The following FBXL13 variants were observed in gnomAD, a reference collection of about 807,000 sequenced individuals.
FBXL13 encodes F-box and leucine rich repeat protein 13, also known as F-box and leucine-rich repeat protein 13.
Under a neutral mutation model 83.6 loss-of-function variants are expected in FBXL13, and 67 were observed. The ratio of observed to expected loss-of-function variants is 0.80; its 90% CI spans 0.66 to 0.98. The LOEUF is 0.98. FBXL13 is among the 50% of genes least tolerant of loss of function. The pLI is 0.00. For missense variants in FBXL13, 822 were observed against 866.5 expected (o/e 0.95, Z 0.64); for synonymous variants, 272 against 299.5 (o/e 0.91, Z 0.95).
chr7:103,011,591 T>C (rs977785777), intron 6 of FBXL13, among the ~76,000 whole-genome samples: 3 of 143,694 alleles, frequency 2.1e-5, no homozygotes, highest in African/African-American at 5.2e-5. Flanking sequence ...TAAGGGAAGA[T>C]AGCACCACTA....
At chr7:102,914,135 A>C (rs113389829) in intron 10 of FBXL13, among the ~76,000 whole-genome samples, 5 of 152,162 alleles carry the variant, frequency 3.3e-5, no homozygotes, top group African/African-American at 1.2e-4. Context: ...ATCTTGGCTC[A>C]CTGCAACCTC....
At chr7:102,880,383 T>C (rs913017022) in intron 14 of FBXL13, among the ~76,000 whole-genome samples, 1 of 152,256 alleles carries the variant, frequency 6.6e-6, no homozygotes, top group Non-Finnish European at 1.5e-5. Context: ...TTCTTCAGAA[T>C]GATCTCCCAG....
At chr7:102,829,162 A>G (rs1800228369) in intron 18 of FBXL13, among the ~76,000 whole-genome samples, 1 of 152,178 alleles carries the variant, frequency 6.6e-6, no homozygotes, top group Non-Finnish European at 1.5e-5. Context: ...CAAGTGGAAC[A>G]TTTACAGTTG....
At chr7:102,994,436 A>AG (rs1403313526) in intron 6 of FBXL13, among the ~76,000 whole-genome samples, 3 of 151,644 alleles carry the variant, frequency 2.0e-5, no homozygotes, top group Non-Finnish European at 4.4e-5. Flanking sequence ...GGAAAAAAAA[A>AG]AGATATAGAG....
At chr7:102,827,159 C>A (rs1329048179) in intron 18 of FBXL13, 1 of 454,776 alleles carries the variant, frequency 2.2e-6, no homozygotes, top group East Asian at 7.0e-5. Flanking sequence ...ACCTTTAGCC[C>A]TTAGCCTCTT....
intron 16 of FBXL13, among the ~76,000 whole-genome samples, chr7:102,870,233 G>A (rs1584716291): frequency 6.6e-6 from 1 of 152,300 alleles, no homozygotes; most frequent in Middle Eastern, 3.4e-3. Flanking sequence ...GAACTATGCT[G>A]TAATGTGGCA....
At chr7:103,061,039 T>C (rs1220822986) in intron 1 of FBXL13, among the ~76,000 whole-genome samples, 1 of 152,192 alleles carries the variant, frequency 6.6e-6, no homozygotes, top group African/African-American at 2.4e-5. Flanking sequence ...AACATTGAAA[T>C]AGATGGTGTC....
chr7:102,942,699 CAA>C (rs1821699713), intron 8 of FBXL13, among the ~76,000 whole-genome samples: 1 of 152,082 alleles, frequency 6.6e-6, no homozygotes, highest in Non-Finnish European at 1.5e-5. Context: ...CCCCTACCCG[CAA>C]GACATTGCTT....
chr7:102,822,616 A>G (rs1052107792), intron 18 of FBXL13, among the ~76,000 whole-genome samples: 6 of 152,228 alleles, frequency 3.9e-5, no homozygotes, highest in African/African-American at 1.4e-4. Flanking sequence ...TTTTTGGAGG[A>G]CAAACATTCA....
intron 8 of FBXL13, among the ~76,000 whole-genome samples, chr7:102,942,576 A>C (rs1165212445): frequency 6.6e-6 from 1 of 152,244 alleles, no homozygotes; most frequent in African/African-American, 2.4e-5. Flanking sequence ...ATATGCTTTT[A>C]ATCTCAAAGT....
At chr7:102,948,063 A>C (rs1822810876) in intron 8 of FBXL13, among the ~76,000 whole-genome samples, 1 of 149,510 alleles carries the variant, frequency 6.7e-6, no homozygotes, top group Non-Finnish European at 1.5e-5. Context: ...AGTAATGAGG[A>C]TCTTTTTTTT....
chr7:103,037,633 T>G (rs1361547496), intron 2 of FBXL13, among the ~76,000 whole-genome samples: 1 of 151,912 alleles, frequency 6.6e-6, no homozygotes, highest in Admixed American at 6.6e-5. Flanking sequence ...AGTGAGACTC[T>G]GTCTGTACCA....
Position 103,018,335 on chromosome 7 carries a change from G to A in FBXL13, c.495+6728C>T, listed in dbSNP as rs1054684224. 1.4e-4 allele frequency among the ~76,000 whole-genome samples: 21 copies of A among 152,184 alleles called. 1 individual carries two copies. Among genetic ancestry groups the A allele is most frequent in the Middle Eastern group, 6.8e-3 (2 of 294 alleles). On this transcript the variant is annotated intron_variant, in intron 6 of 19. Transcript: ENST00000313221. Reference sequence around the variant, plus strand: ...AGCTCCTGAAGGAAGCACTAAACACGGAAAGGAACAACCGGTACCAGCCAC... The same window carrying A: ...AGCTCCTGAAGGAAGCACTAAACACAGAAAGGAACAACCGGTACCAGCCAC...
At chr7:102,927,216 T>G (rs1584979624) in intron 9 of FBXL13, among the ~76,000 whole-genome samples, 1 of 152,172 alleles carries the variant, frequency 6.6e-6, no homozygotes, top group African/African-American at 2.4e-5. Context: ...TAGCAGCAGG[T>G]TTTTATTTAA....
chr7:102,828,607 T>C (rs144403360), intron 18 of FBXL13, among the ~76,000 whole-genome samples: 61 of 152,348 alleles, frequency 4.0e-4, no homozygotes, highest in African/African-American at 1.4e-3. Flanking sequence ...TTCATGCCTT[T>C]CCACTCCTAA....
chr7:103,001,958 A>G (rs1053054909), intron 6 of FBXL13, among the ~76,000 whole-genome samples: 4 of 152,130 alleles, frequency 2.6e-5, no homozygotes, highest in Non-Finnish European at 5.9e-5. Context: ...CCTTTTATAT[A>G]TCCATATATC....
intron 1 of FBXL13, among the ~76,000 whole-genome samples, chr7:103,072,984 G>C (rs868601401): frequency 6.6e-6 from 1 of 152,164 alleles, no homozygotes; most frequent in Non-Finnish European, 1.5e-5. Flanking sequence ...TGCTACTTGA[G>C]AAAATCACAC....
In FBXL13 at chr7:102,925,624, G is replaced by C. The variant is rs138334060; in HGVS notation, c.878+650C>G. On this transcript the variant is annotated intron_variant, in intron 10 of 19. Coordinates refer to ENST00000313221, the Ensembl canonical transcript of FBXL13. ...TCTGGGACAAAAGTGCTCAAAGTTG[G>C]TAATCAGGATGTTGGCATTCTATTA... 1.6e-3 allele frequency among the ~76,000 whole-genome samples: 250 copies of C among 152,178 alleles called. 2 individuals carry two copies. The highest frequency in any genetic ancestry group is 5.6e-3 in the African/African-American group (233 of 41,548).
intron 6 of FBXL13, among the ~76,000 whole-genome samples, 169 bp downstream of exon 7, chr7:103,024,894 A>G (rs538643871): frequency 3.2e-5 from 2 of 62,414 alleles, no homozygotes; most frequent in East Asian, 1.0e-3. Context: ...GAGTTTTGCT[A>G]TTGTCGCCCA....
Sources: allele counts gnomAD v4.1 joint callset (sites outside exome capture counted in the v4.1 genomes callset), GRCh38; gene constraint gnomAD v4.1.1; transcripts MANE v1.5; gene names NCBI Gene and HGNC (gene_info 2026-07-23, HGNC 2026-07-21).